Variants in FAM178B observed in about 807,000 individuals in gnomAD.
FAM178B encodes the protein protein FAM178B.
FAM178B carries 82 observed loss-of-function variants against 91.7 expected under a neutral mutation model. The observed-to-expected ratio is 0.89, with a 90% confidence interval of 0.75 to 1.07. FAM178B has a LOEUF of 1.07. FAM178B is among the 50% of genes least tolerant of loss of function. FAM178B has a pLI of 0.00. For synonymous variants in FAM178B, 368 were observed against 359.4 expected (o/e 1.02, Z -0.27); for missense variants, 769 against 846.7 (o/e 0.91, Z 1.14).
intron 8 of FAM178B, among the ~76,000 whole-genome samples, chr2:96,941,436 C>T (rs1257300138): frequency 6.6e-6 from 1 of 152,144 alleles, no homozygotes; most frequent in Non-Finnish European, 1.5e-5. Flanking sequence ...AAAGAGAATG[C>T]AACAGGCAAC....
rs538260374 is a variant in FAM178B at position 96,967,414 on chromosome 2, A to G, written c.734+106T>C. ...GGTAGCTTTAGAATTCACAAATAGT[A>G]CACAAATCACTGTACCATGTTGGTC... On this transcript the variant is annotated intron_variant, in intron 5 of 16. Transcript: ENST00000490605. 6.7e-4 allele frequency: 440 copies of G among 652,634 alleles called. 2 individuals carry two copies. Among genetic ancestry groups the G allele is most frequent in the Non-Finnish European group, 1.1e-3 (393 of 369,170 alleles). The allele number at this position is 652,634 out of a possible 1,614,324, so 40.4% of individuals were successfully genotyped here.
In FAM178B at chr2:96,898,229, C is replaced by A. The variant is rs556347919; in HGVS notation, c.1651-4178G>T. 152 of 655,240 alleles carry A rather than the reference C, an allele frequency of 2.3e-4. No homozygotes were observed. The African/African-American group carries it at 2.9e-3, about 12-fold the overall frequency. The allele number at this position is 655,240 out of a possible 1,614,324, so 40.6% of individuals were successfully genotyped here. A position where few individuals can be genotyped will look rare whatever the true frequency, so the allele number is the denominator to read the frequency against. Reference sequence around the variant, plus strand: ...GGCCCTTGTCCTCCTGTCTGTGAACCGGGACTAAAGCCCAAGGACCCAGCA... The same window carrying A: ...GGCCCTTGTCCTCCTGTCTGTGAACAGGGACTAAAGCCCAAGGACCCAGCA... On this transcript the variant is annotated intron_variant, in intron 13 of 16. Coordinates refer to ENST00000490605, the MANE Select transcript of FAM178B (RefSeq NM_001122646.3).
intron 6 of FAM178B, among the ~76,000 whole-genome samples, chr2:96,957,990 A>G (rs1018346800): frequency 6.6e-6 from 1 of 152,180 alleles, no homozygotes; most frequent in Non-Finnish European, 1.5e-5. Context: ...TCAATGTAAT[A>G]AAGTATTAGT....
chr2:96,912,442 C>T (rs887616260), intron 12 of FAM178B, among the ~76,000 whole-genome samples: 3 of 151,908 alleles, frequency 2.0e-5, no homozygotes, highest in Non-Finnish European at 2.9e-5. Context: ...CACCAAGACT[C>T]GAGGGCTGGT....
chr2:96,975,464 G>A (rs768168530), intron 1 of FAM178B, among the ~76,000 whole-genome samples: 6 of 152,068 alleles, frequency 3.9e-5, no homozygotes, highest in Admixed American at 6.6e-5. Flanking sequence ...ACATATTTTG[G>A]GGGTACATTT....
intron 13 of FAM178B, chr2:96,898,205 G>A (rs2080859198): frequency 2.5e-6 from 2 of 803,236 alleles, no homozygotes; most frequent in Non-Finnish European, 3.0e-6. Flanking sequence ...GGGAGGGACG[G>A]CCCTTGTCCT....
intron 8 of FAM178B, among the ~76,000 whole-genome samples, chr2:96,945,580 C>G (rs767997649): frequency 6.6e-6 from 1 of 152,074 alleles, no homozygotes; most frequent in South Asian, 2.1e-4. Context: ...ATCATAGATA[C>G]GGGTGAAGGG....
chr2:96,964,939 A>C (rs1396280668), intron 5 of FAM178B, among the ~76,000 whole-genome samples: 3 of 151,832 alleles, frequency 2.0e-5, no homozygotes, highest in African/African-American at 7.3e-5. Flanking sequence ...TGGGCTCCAT[A>C]CCCTTGGGCC....
At chr2:96,896,239 C>T (rs1296685167) in intron 13 of FAM178B, among the ~76,000 whole-genome samples, 3 of 152,200 alleles carry the variant, frequency 2.0e-5, no homozygotes, top group Non-Finnish European at 4.4e-5. Context: ...AGCACTCTTG[C>T]GATGCTTGCT....
At chr2:96,960,489 G>A (rs765126465) in intron 5 of FAM178B, 49 bp from the exon 6 acceptor site, 52 of 1,497,546 alleles carry the variant, frequency 3.5e-5, no homozygotes, top group Non-Finnish European at 5.4e-6. Context: ...ATGCACCTCG[G>A]CCTGAGGCAT....
intron 8 of FAM178B, among the ~76,000 whole-genome samples, chr2:96,938,156 C>G (rs1381440482): frequency 6.6e-6 from 1 of 152,206 alleles, no homozygotes; most frequent in Non-Finnish European, 1.5e-5. Flanking sequence ...TATTGCCTGG[C>G]CACCTCTCCT....
intron 14 of FAM178B, 135 bp downstream of exon 14, chr2:96,893,791 T>G (rs1205278938): frequency 3.6e-6 from 4 of 1,103,700 alleles, no homozygotes; most frequent in Non-Finnish European, 3.7e-6. Context: ...GGCAGCCTGT[T>G]GGTCTCTGCC....
At chr2:96,940,758 A>C (rs529123019) in intron 8 of FAM178B, among the ~76,000 whole-genome samples, 2 of 152,362 alleles carry the variant, frequency 1.3e-5, no homozygotes, top group East Asian at 3.9e-4. Context: ...ACAGGCACAT[A>C]TGTAAGTGTA....
In FAM178B at chr2:96,877,098, G is replaced by A. The variant is rs368531023; in HGVS notation, c.2008-790C>T. Among the ~76,000 whole-genome samples the A allele has an allele frequency of 6.6e-5, 10 of 152,210 alleles. No individual in the cohort carries two copies. The East Asian group carries it at 1.4e-3, about 21-fold the overall frequency. ...GGGGTTGTGTGGGTTCTTGAGAAACGGATCTTCATTCAAGAAACACTAGCT... is the reference window on the plus strand; with the variant it reads ...GGGGTTGTGTGGGTTCTTGAGAAACAGATCTTCATTCAAGAAACACTAGCT... On this transcript the variant is annotated intron_variant, in intron 16 of 16. Transcript: ENST00000490605.
intron 12 of FAM178B, among the ~76,000 whole-genome samples, chr2:96,907,037 G>A (rs191151527): frequency 2.1e-4 from 32 of 152,276 alleles, no homozygotes; most frequent in East Asian, 1.9e-4. Flanking sequence ...GGGAAGAGGC[G>A]GGCAGGGTGG....
At chr2:96,903,357 C>T (rs1038119220) in intron 12 of FAM178B, among the ~76,000 whole-genome samples, 1 of 152,236 alleles carries the variant, frequency 6.6e-6, no homozygotes, top group Non-Finnish European at 1.5e-5. Flanking sequence ...TTTCAATACG[C>T]CTCTGCCTCT....
chr2:96,943,245 A>G (rs2081764580), intron 8 of FAM178B, among the ~76,000 whole-genome samples: 1 of 152,234 alleles, frequency 6.6e-6, no homozygotes, highest in Non-Finnish European at 1.5e-5. Flanking sequence ...ATATCTGGTA[A>G]AAAAGAGACC....
chr2:96,878,344 C>A, intron 15 of FAM178B, 72 bp downstream of exon 15: 3 of 1,456,968 alleles, frequency 2.1e-6, no homozygotes. Context: ...CCATCCCAGC[C>A]AACCCCCGCC....
intron 5 of FAM178B, among the ~76,000 whole-genome samples, chr2:96,963,409 C>T (rs2082107119): frequency 6.6e-6 from 1 of 152,214 alleles, no homozygotes; most frequent in African/African-American, 2.4e-5. Context: ...CCTAAACACG[C>T]TAATTAAATT....
Sources: gnomAD v4.1 joint callset for allele counts (sites outside exome capture counted in the v4.1 genomes callset) on GRCh38, gnomAD v4.1.1 for gene constraint, MANE v1.5 for transcripts, NCBI Gene and HGNC (gene_info 2026-07-23, HGNC 2026-07-21) for gene names.